Variants in INTU observed in about 807,000 individuals in gnomAD.
INTU encodes inturned planar cell polarity protein.
In INTU, 68 loss-of-function variants were observed where a neutral mutation model predicts 100.5. That is an observed-to-expected ratio of 0.68 (90% CI 0.56 to 0.83). The LOEUF (loss-of-function observed/expected upper bound fraction) is 0.83. Among genes scored for constraint, INTU ranks in the 40% least tolerant of loss-of-function variants. INTU has a pLI of 0.00. For synonymous variants in INTU, 357 were observed against 395.7 expected, an observed-to-expected ratio of 0.90 and a Z score of 1.16; for missense variants, 1,071 against 1,114.7, an observed-to-expected ratio of 0.96 and a Z score of 0.56.
chr4:127,677,602 C>T (rs1231897563), intron 6 of INTU, among the ~76,000 whole-genome samples: 5 of 152,018 alleles, frequency 3.3e-5, no homozygotes, highest in African/African-American at 7.3e-5. Flanking sequence ...CCCATCTGTA[C>T]ATCACCATCA....
Position 127,674,199 on chromosome 4 carries a change from C to G in INTU, c.1167C>G (p.Gly389=), listed in dbSNP as rs1323979676. The change falls in exon 6 of 16, where the codon GGC becomes GGG. Residue 389 remains glycine (G), a synonymous_variant. Transcript: ENST00000335251. ...AATCTGACAAGTTGTTGCTAATTGG[C>G]CTGCCTGCTGAAGAGTAAGTTGAGG... ...WKESDKLLLI[G]LPAEEVPLPR... is the part of the protein sequence containing the mutation. 1 of 1,609,992 alleles carries G rather than the reference C, an allele frequency of 6.2e-7. No homozygotes were observed. The highest frequency in any genetic ancestry group is 8.5e-7 in the Non-Finnish European group (1 of 1,177,844).
At position 127,644,010 on chromosome 4, in the gene INTU, C is replaced by T. The variant is rs1463749165; in HGVS notation, c.636C>T (p.Gly212=). ...ATGGAGAGAGGCTTGTGGTTCATGGCCTGCTGCCAGGGGGATCTGCTATGA... is the reference window on the plus strand; with the variant it reads ...ATGGAGAGAGGCTTGTGGTTCATGGTCTGCTGCCAGGGGGATCTGCTATGA... ...QGDGERLVVH[G]LLPGGSAMKS... is the part of the protein sequence containing the mutation. The change falls in exon 2 of 16, where the codon GGC becomes GGT. Residue 212 remains glycine (G), a synonymous_variant. Transcript: ENST00000335251. 1.2e-6 allele frequency: 2 copies of T among 1,613,992 alleles called. No homozygotes were observed. The highest frequency in any genetic ancestry group is 2.7e-5 in the African/African-American group (2 of 74,930).
chr4:127,684,754 G>T (rs1578599590), intron 7 of INTU, among the ~76,000 whole-genome samples: 1 of 141,024 alleles, frequency 7.1e-6, no homozygotes, highest in Non-Finnish European at 1.5e-5. Flanking sequence ...TGGCTTTTTT[G>T]TTATAACAGT....
intron 14 of INTU, among the ~76,000 whole-genome samples, chr4:127,712,912 T>C (rs1467473888): frequency 6.6e-6 from 1 of 152,218 alleles, no homozygotes; most frequent in Non-Finnish European, 1.5e-5. Context: ...CCACTTCTTA[T>C]GAGACTCTAA....
At chr4:127,666,905 G>A (rs1020589087) in intron 4 of INTU, among the ~76,000 whole-genome samples, 1 of 152,056 alleles carries the variant, frequency 6.6e-6, no homozygotes, top group African/African-American at 2.4e-5. Flanking sequence ...ATTTCCTTGT[G>A]TTGCTTCATA....
chr4:127,637,905 G>A (rs139884713), intron 1 of INTU, among the ~76,000 whole-genome samples: 2 of 152,284 alleles, frequency 1.3e-5, no homozygotes, highest in African/African-American at 4.8e-5. Flanking sequence ...TGAATGAACA[G>A]TTATGCATTT....
chr4:127,681,607 A>T (rs1729555040), intron 6 of INTU, among the ~76,000 whole-genome samples: 2 of 152,320 alleles, frequency 1.3e-5, no homozygotes, highest in South Asian at 4.1e-4. Context: ...TTAATTCAAG[A>T]TGGATTAAAG....
chr4:127,663,268 T>C, intron 3 of INTU, 113 bp from the exon 4 acceptor site: 1 of 707,540 alleles, frequency 1.4e-6, no homozygotes, highest in South Asian at 1.8e-5. Context: ...TCTAGGATGA[T>C]TTATATATAC....
At chr4:127,695,332 G>A (rs545040313) in intron 8 of INTU, among the ~76,000 whole-genome samples, 7 of 152,176 alleles carry the variant, frequency 4.6e-5, no homozygotes, top group Non-Finnish European at 8.8e-5. Context: ...ATGCTTGGGT[G>A]CAGTGGCTTA....
At chr4:127,652,229 T>G (rs1247394955) in intron 2 of INTU, among the ~76,000 whole-genome samples, 12 of 135,214 alleles carry the variant, frequency 8.9e-5, no homozygotes, top group Admixed American at 1.5e-4. Flanking sequence ...CCTGCCTAAT[T>G]GCCCTGGCCA....
intron 6 of INTU, chr4:127,675,924 G>A: frequency 3.1e-6 from 1 of 326,970 alleles, no homozygotes; most frequent in South Asian, 2.5e-5. Context: ...ACCAAGCTCA[G>A]CCCACACTCA....
chr4:127,677,391 C>T (rs1169438259), intron 6 of INTU, among the ~76,000 whole-genome samples: 3 of 150,642 alleles, frequency 2.0e-5, no homozygotes. Context: ...CAGGGTACTC[C>T]TCTGAGACAA....
chr4:127,679,595 T>G (rs1483861637), intron 6 of INTU, among the ~76,000 whole-genome samples: 1 of 151,768 alleles, frequency 6.6e-6, no homozygotes, highest in Non-Finnish European at 1.5e-5. Context: ...CTGGGACACA[T>G]TCAAAGCAGT....
chr4:127,691,507 T>C (rs966724794), intron 8 of INTU, among the ~76,000 whole-genome samples: 49 of 152,296 alleles, frequency 3.2e-4, no homozygotes, highest in South Asian at 1.5e-3. Context: ...ATTTCCCTGA[T>C]GACCATATGA....
chr4:127,637,829 AAATGTGACCCGGGG>A (rs1166035527), intron 1 of INTU, among the ~76,000 whole-genome samples: 5 of 152,200 alleles, frequency 3.3e-5, no homozygotes, highest in Admixed American at 6.5e-5. Context: ...AGGTGGTAGG[AAATGTGACCCGGGG>A]AATGAAGTCA....
At chr4:127,672,813 A>G (rs1409572585) in intron 5 of INTU, among the ~76,000 whole-genome samples, 1 of 152,182 alleles carries the variant, frequency 6.6e-6, no homozygotes, top group African/African-American at 2.4e-5. Flanking sequence ...TTTAAATTCC[A>G]CACACTTAAG....
chr4:127,632,966 A>G lies in INTU; in HGVS notation c.-69A>G, dbSNP rs1003266645. On this transcript the variant is annotated 5_prime_UTR_variant, in exon 1 of 16. It removes an upstream start codon present in the reference 5' UTR. Transcript: ENST00000335251. ...CTGCCCCTTCCCAAGCAGAGGCAAC[A>G]TGGCGGCCTTAGCAAGCTATAGCTG... 4.0e-6 allele frequency: 6 copies of G among 1,512,438 alleles called. No individual in the cohort carries two copies. The highest frequency in any genetic ancestry group is 2.5e-5 in the South Asian group (2 of 81,340). The allele number at this position is 1,512,438 out of a possible 1,614,324, so 93.7% of individuals were successfully genotyped here.
chr4:127,694,586 G>T (rs1560869762), intron 8 of INTU, among the ~76,000 whole-genome samples: 1 of 152,086 alleles, frequency 6.6e-6, no homozygotes, highest in South Asian at 2.1e-4. Flanking sequence ...TAAAAAGTTA[G>T]TGTCATACCC....
chr4:127,654,507 T>C (rs1728079259), intron 2 of INTU, among the ~76,000 whole-genome samples: 1 of 152,198 alleles, frequency 6.6e-6, no homozygotes, highest in Non-Finnish European at 1.5e-5. Flanking sequence ...GATATGAAAT[T>C]CTGGGTTGAA....
Sources: allele counts gnomAD v4.1 joint callset (sites outside exome capture counted in the v4.1 genomes callset), GRCh38; gene constraint gnomAD v4.1.1; transcripts MANE v1.5; gene names NCBI Gene and HGNC (gene_info 2026-07-23, HGNC 2026-07-21).